NHS: variants seen among roughly 807,000 people sequenced by gnomAD.
The protein encoded by NHS is NHS actin remodeling regulator.
A neutral mutation model predicts 72.5 loss-of-function variants in NHS; 5 were observed. That is an observed-to-expected ratio of 0.07 (90% CI 0.04 to 0.14). The LOEUF (loss-of-function observed/expected upper bound fraction) is 0.14. NHS is among the 10% of genes least tolerant of loss of function. NHS has a pLI of 1.00. For synonymous variants in NHS, 464 were observed against 547.7 expected (o/e 0.85, Z 2.13); for missense variants, 1,072 against 1,355.7 (o/e 0.79, Z 3.29).
intron 1 of NHS, among the ~76,000 whole-genome samples, chrX:17,560,342 G>T (rs779237310): frequency 1.2e-4 from 14 of 112,476 alleles, no homozygotes; most frequent in Non-Finnish European, 2.4e-4. Context: ...TGGATTTCCT[G>T]CACTCCTCTA....
At chrX:17,636,594 C>T (rs944438659) in intron 1 of NHS, among the ~76,000 whole-genome samples, 1 of 112,238 alleles carries the variant, frequency 8.9e-6, no homozygotes, top group African/African-American at 3.2e-5. Context: ...ACTGCCTCTG[C>T]GGAGGCTGAC....
rs760304948 is a variant in NHS, at chrX:17,387,068, A to G, written c.565+10746A>G. Among the ~76,000 whole-genome samples the G allele has an allele frequency of 4.4e-5, 5 of 112,484 alleles. No individual in the cohort carries two copies. In the South Asian group the frequency reaches 1.8e-3, roughly 41 times the overall value. On this transcript the variant is annotated intron_variant, in intron 1 of 8. Coordinates refer to ENST00000676302, the MANE Select transcript of NHS (RefSeq NM_001291867.2). ...TCAGACGGATTCAAGGCCAGAGCCC[A>G]CTGGCAGGCAGTACTAGCAATGTTT...
intron 3 of NHS, among the ~76,000 whole-genome samples, chrX:17,715,236 C>G (rs1044402708): frequency 2.3e-4 from 26 of 111,932 alleles, no homozygotes; most frequent in African/African-American, 8.1e-4. Flanking sequence ...GTTTTTGCAT[C>G]TTCATAGCTT....
intron 6 of NHS, 73 bp downstream of exon 6, chrX:17,724,503 A>G: frequency 8.6e-7 from 1 of 1,165,424 alleles, no homozygotes; most frequent in South Asian, 1.8e-5. Context: ...GAAATAGAAA[A>G]ATGATTAAAC....
intron 1 of NHS, among the ~76,000 whole-genome samples, chrX:17,509,109 A>G (rs182059481): frequency 9.5e-4 from 107 of 112,168 alleles, no homozygotes; most frequent in African/African-American, 2.9e-3. Context: ...GATGGGGTTC[A>G]GGTAGAATCC....
At chrX:17,615,646 C>T (rs1435858372) in intron 1 of NHS, among the ~76,000 whole-genome samples, 2 of 110,737 alleles carry the variant, frequency 1.8e-5, no homozygotes, top group African/African-American at 3.3e-5. Flanking sequence ...ATTCACTTGT[C>T]GTTTGGTCCC....
chrX:17,472,201 C>T (rs1280970871), intron 1 of NHS, among the ~76,000 whole-genome samples: 1 of 110,444 alleles, frequency 9.1e-6, no homozygotes, highest in Non-Finnish European at 1.9e-5. Flanking sequence ...AGGGAATGCA[C>T]CAAGGATTCG....
intron 1 of NHS, among the ~76,000 whole-genome samples, chrX:17,538,205 TCA>T (rs776479990): frequency 1.8e-4 from 20 of 112,220 alleles, no homozygotes; most frequent in Non-Finnish European, 3.4e-4. Flanking sequence ...TCATATAGTC[TCA>T]CACCCTCATT....
chrX:17,610,956 T>C (rs2065708332), intron 1 of NHS, among the ~76,000 whole-genome samples: 2 of 112,375 alleles, frequency 1.8e-5, no homozygotes, highest in Admixed American at 9.4e-5. Context: ...TGCTAAAGAT[T>C]ACAGCAGATA....
At chrX:17,388,801 G>A (rs757704348) in intron 1 of NHS, among the ~76,000 whole-genome samples, 1 of 110,366 alleles carries the variant, frequency 9.1e-6, no homozygotes, top group Non-Finnish European at 1.9e-5. Context: ...AAGAGACTGC[G>A]GGAGAGGCAA....
chrX:17,389,033 C>T (rs2064425541), intron 1 of NHS, among the ~76,000 whole-genome samples: 1 of 111,728 alleles, frequency 9.0e-6, no homozygotes, highest in East Asian at 2.8e-4. Flanking sequence ...TTTGCAAAAC[C>T]ATTGAATGTT....
At chrX:17,582,437 G>A (rs1003185545) in intron 1 of NHS, among the ~76,000 whole-genome samples, 1 of 112,282 alleles carries the variant, frequency 8.9e-6, no homozygotes, top group African/African-American at 3.2e-5. Flanking sequence ...GTGTAGCAGG[G>A]TTTTCTTCAA....
intron 1 of NHS, among the ~76,000 whole-genome samples, chrX:17,568,548 G>A (rs377701360): frequency 5.7e-4 from 60 of 105,017 alleles, no homozygotes; most frequent in African/African-American, 1.9e-3. Context: ...TTAATGAAAC[G>A]AAAGTTTATT....
intron 1 of NHS, among the ~76,000 whole-genome samples, chrX:17,384,411 T>A: frequency 8.9e-6 from 1 of 112,584 alleles, no homozygotes; most frequent in East Asian, 2.8e-4. Context: ...GGTTGTAATT[T>A]CCTCATAACC....
At chrX:17,583,951 C>G (rs779491506) in intron 1 of NHS, among the ~76,000 whole-genome samples, 1 of 112,061 alleles carries the variant, frequency 8.9e-6, no homozygotes, top group Non-Finnish European at 1.9e-5. Context: ...GCAGATGTCC[C>G]TGATTCTTCT....
chrX:17,616,718 G>A (rs2065749015), intron 1 of NHS, among the ~76,000 whole-genome samples: 1 of 112,544 alleles, frequency 8.9e-6, no homozygotes, highest in African/African-American at 3.2e-5. Context: ...TGAAAAAGTA[G>A]ATACACATAT....
intron 1 of NHS, among the ~76,000 whole-genome samples, chrX:17,536,743 T>C (rs895053668): frequency 8.9e-6 from 1 of 112,646 alleles, no homozygotes; most frequent in Non-Finnish European, 1.9e-5. Flanking sequence ...GCCACACACC[T>C]AACCACTGTC....
rs1453483957 is a variant in NHS, at chrX:17,375,332, C to T, written c.-426C>T. Reference sequence around the variant, plus strand: ...GTACTTTCAAACTGAGGCGCGCGCACACACTCACACCCACCCACCCACTCA... The same window carrying T: ...GTACTTTCAAACTGAGGCGCGCGCATACACTCACACCCACCCACCCACTCA... On this transcript the variant is annotated 5_prime_UTR_variant, in exon 1 of 9. Coordinates refer to ENST00000676302, the MANE Select transcript of NHS (RefSeq NM_001291867.2). The T allele has an allele frequency of 9.9e-6, 3 of 302,563 alleles. No individual in the cohort carries two copies. Among genetic ancestry groups the T allele is most frequent in the Non-Finnish European group, 1.7e-5 (3 of 174,790 alleles). 24.9% of individuals were successfully genotyped at this position (302,563 alleles called of 1,213,427 possible). A position where few individuals can be genotyped will look rare whatever the true frequency, so the allele number is the denominator to read the frequency against.
intron 1 of NHS, among the ~76,000 whole-genome samples, chrX:17,463,009 C>T (rs903622747): frequency 4.5e-5 from 5 of 112,107 alleles, no homozygotes; most frequent in African/African-American, 1.6e-4. Flanking sequence ...TGACTGTGCA[C>T]TGCCCTCACT....
Sources: gnomAD v4.1 joint callset for allele counts (sites outside exome capture counted in the v4.1 genomes callset) on GRCh38, gnomAD v4.1.1 for gene constraint, MANE v1.5 for transcripts, NCBI Gene and HGNC (gene_info 2026-07-23, HGNC 2026-07-21) for gene names.